NDRG3: variants seen among roughly 807,000 people sequenced by gnomAD.
The protein encoded by NDRG3 is protein NDRG3.
In NDRG3, 23 loss-of-function variants were observed where a neutral mutation model predicts 57.2. The observed-to-expected ratio is 0.40, with a 90% CI of 0.29 to 0.57. The LOEUF is 0.57. Ranked by LOEUF, NDRG3 falls within the 20% of genes least tolerant of loss-of-function variation. The pLI is 0.42. For missense variants in NDRG3, 384 were observed against 457.3 expected (o/e 0.84, Z 1.46); for synonymous variants, 132 against 162.6 (o/e 0.81, Z 1.43).
At chr20:36,657,153 C>G (rs1046661436) in intron 13 of NDRG3, among the ~76,000 whole-genome samples, 1 of 152,132 alleles carries the variant, frequency 6.6e-6, no homozygotes, top group Non-Finnish European at 1.5e-5. Context: ...ATTCCTATCC[C>G]AGAGATTCTG....
intron 12 of NDRG3, among the ~76,000 whole-genome samples, chr20:36,664,714 C>T (rs1240070944): frequency 2.0e-5 from 3 of 151,794 alleles, no homozygotes; most frequent in Non-Finnish European, 2.9e-5. Context: ...TTTTGAGGCA[C>T]GGTCTCACTC....
intron 2 of NDRG3, among the ~76,000 whole-genome samples, chr20:36,710,617 G>C (rs987572456): frequency 6.6e-6 from 1 of 151,926 alleles, no homozygotes; most frequent in African/African-American, 2.4e-5. Flanking sequence ...GATAGGATTG[G>C]CCAATATGGT....
chr20:36,714,689 T>C (rs1359190708), intron 2 of NDRG3, among the ~76,000 whole-genome samples: 4 of 150,860 alleles, frequency 2.7e-5, no homozygotes, highest in Admixed American at 2.6e-4. Flanking sequence ...TCTCGGCTTA[T>C]TGTAAGCTCC....
At chr20:36,720,980 T>C (rs1284823729) in intron 2 of NDRG3, among the ~76,000 whole-genome samples, 2 of 151,528 alleles carry the variant, frequency 1.3e-5, no homozygotes, top group African/African-American at 2.4e-5. Context: ...TTCACCTTGT[T>C]GTCCAGGCTG....
chr20:36,691,878 G>A (rs953437965), intron 3 of NDRG3, among the ~76,000 whole-genome samples: 2 of 152,164 alleles, frequency 1.3e-5, no homozygotes, highest in African/African-American at 2.4e-5. Context: ...GCCACTCCAT[G>A]CCAGACCCTG....
rs539937159 is a variant in NDRG3 at position 36,733,566 on chromosome 20, T to C, written c.-48-11783A>G. Among the ~76,000 whole-genome samples the C allele has an allele frequency of 3.5e-3, 532 of 151,766 alleles. 1 individual carries two copies. The highest frequency in any genetic ancestry group is 5.3e-3 in the Non-Finnish European group (360 of 67,906). ...GGTGAAACCCCGTCTCTACTAAATA[T>C]ACAAAAAATTAGCCGGGAGAGGTTG... On this transcript the variant is annotated intron_variant, in intron 1 of 15. Transcript: ENST00000349004.
At chr20:36,721,423 G>GA (rs1984583461) in intron 2 of NDRG3, among the ~76,000 whole-genome samples, 1 of 151,880 alleles carries the variant, frequency 6.6e-6, no homozygotes, top group African/African-American at 2.4e-5. Context: ...CAGCTACTTG[G>GA]GAGGCTGAGG....
At chr20:36,669,733 G>A (rs1390364498) in intron 9 of NDRG3, among the ~76,000 whole-genome samples, 1 of 151,618 alleles carries the variant, frequency 6.6e-6, no homozygotes, top group Non-Finnish European at 1.5e-5. Context: ...AGGTAGCAGG[G>A]ACTACAGGCA....
intron 1 of NDRG3, among the ~76,000 whole-genome samples, chr20:36,726,947 T>TG (rs1446204498): frequency 6.6e-6 from 1 of 151,508 alleles, no homozygotes; most frequent in Non-Finnish European, 1.5e-5. Context: ...ACAAGAGTCT[T>TG]GCTCTGTTGC....
intron 3 of NDRG3, among the ~76,000 whole-genome samples, chr20:36,703,749 G>C (rs1983387014): frequency 6.6e-6 from 1 of 152,086 alleles, no homozygotes; most frequent in Non-Finnish European, 1.5e-5. Context: ...ATAGCACCCA[G>C]CCTTTCTGTT....
intron 11 of NDRG3, 60 bp downstream of exon 11, chr20:36,665,176 T>G: frequency 6.2e-7 from 1 of 1,607,392 alleles, no homozygotes; most frequent in Non-Finnish European, 8.5e-7. Flanking sequence ...TCTATGAAAG[T>G]CTATGAACAC....
intron 9 of NDRG3, among the ~76,000 whole-genome samples, chr20:36,666,833 A>T (rs548693138): frequency 6.6e-6 from 1 of 152,278 alleles, no homozygotes; most frequent in Admixed American, 6.5e-5. Context: ...AATGGAATGT[A>T]ACATTTCTTT....
At chr20:36,688,281 G>C (rs963548611) in intron 4 of NDRG3, among the ~76,000 whole-genome samples, 4 of 152,144 alleles carry the variant, frequency 2.6e-5, no homozygotes, top group African/African-American at 9.7e-5. Context: ...AAAGTCACTG[G>C]TGACAGGCTC....
Position 36,721,848 on chromosome 20 carries a change from C to T in NDRG3, c.-48-65G>A, listed in dbSNP as rs1370736699. ...CCAGAAGTTGGAAACATAATAGTCA[C>T]AGTACACCCATTCATTCAAATATGA... On this transcript the variant is annotated intron_variant, in intron 1 of 15. Coordinates refer to ENST00000349004, the MANE Select transcript of NDRG3 (RefSeq NM_032013.4). 11 of 695,984 alleles carry T rather than the reference C, an allele frequency of 1.6e-5. No individual in the cohort carries two copies. The East Asian group carries it at 2.4e-4, about 15-fold the overall frequency. 43.1% of individuals were successfully genotyped at this position (695,984 alleles called of 1,614,324 possible).
intron 2 of NDRG3, among the ~76,000 whole-genome samples, chr20:36,709,059 A>G (rs1222434128): frequency 6.6e-6 from 1 of 152,144 alleles, no homozygotes. Flanking sequence ...AAATAAGTAA[A>G]TAACTAAATA....
chr20:36,721,894 CT>C, intron 1 of NDRG3, 111 bp from the exon 2 acceptor site: 1 of 574,910 alleles, frequency 1.7e-6, no homozygotes. Context: ...GTGCCATGCC[CT>C]GCTCAGGGTG....
At position 36,715,006 on chromosome 20, in the gene NDRG3, G is replaced by GTATATATA. The variant is rs545495779; in HGVS notation, c.57+6665_57+6672dup. ...TCTGTGTGTGTGTGTGTGTGTGTGT[G>GTATATATA]TATATATATATATATATATATATAT... On this transcript the variant is annotated intron_variant, in intron 2 of 15. Coordinates refer to ENST00000349004, the MANE Select transcript of NDRG3 (RefSeq NM_032013.4). Among the ~76,000 whole-genome samples, 10 of 26,704 alleles carry GTATATATA rather than the reference G, an allele frequency of 3.7e-4. 1 individual carries two copies. Among genetic ancestry groups the GTATATATA allele is most frequent in the East Asian group, 2.0e-3 (1 of 502 alleles). 17.5% of individuals were successfully genotyped at this position (26,704 alleles called of 152,430 possible). A position where few individuals can be genotyped will look rare whatever the true frequency, so the allele number is the denominator to read the frequency against.
At chr20:36,665,596 GTTTA>G (rs1185719595) in intron 10 of NDRG3, among the ~76,000 whole-genome samples, 1 of 152,074 alleles carries the variant, frequency 6.6e-6, no homozygotes, top group African/African-American at 2.4e-5. Context: ...AGTCCTAAGT[GTTTA>G]ATTAATGTAT....
rs774462877 is a variant in NDRG3, at chr20:36,739,909, CAAAAAAAAAA to C, written c.-49+6126_-49+6135del. ...TGGGTGACAGAGCGAGACTCCGTCTCAAAAAAAAAAAAAAAAAAAAAAACCGTAAACCTTA... is the reference window on the plus strand; with the variant it reads ...TGGGTGACAGAGCGAGACTCCGTCTCAAAAAAAAAAAAACCGTAAACCTTA... On this transcript the variant is annotated intron_variant, in intron 1 of 15. Coordinates refer to ENST00000349004, the MANE Select transcript of NDRG3 (RefSeq NM_032013.4). Among the ~76,000 whole-genome samples the C allele has an allele frequency of 1.7e-4, 7 of 41,606 alleles. No homozygotes were observed. The South Asian group carries it at 2.9e-3, about 17-fold the overall frequency. 27.3% of individuals were successfully genotyped at this position (41,606 alleles called of 152,430 possible).
Sources: gnomAD v4.1 joint callset for allele counts (sites outside exome capture counted in the v4.1 genomes callset) on GRCh38, gnomAD v4.1.1 for gene constraint, MANE v1.5 for transcripts, NCBI Gene and HGNC (gene_info 2026-07-23, HGNC 2026-07-21) for gene names.